Variants in CSMD1 observed in about 807,000 individuals in gnomAD.
The protein encoded by CSMD1 is CUB and Sushi multiple domains 1.
Under a neutral mutation model 417.5 loss-of-function variants are expected in CSMD1, and 213 were observed. The ratio of observed to expected loss-of-function variants is 0.51; its 90% CI spans 0.46 to 0.57. The LOEUF is 0.57. CSMD1 is among the 20% of genes least tolerant of loss of function. The probability of loss-of-function intolerance (pLI) is 0.00; values close to 1 mark genes in which losing one functional copy is unlikely to be tolerated. For missense variants in CSMD1, 6,923 were observed against 4,529.7 expected (o/e 1.53, Z -15.17); for synonymous variants, 2,862 against 1,736.8 (o/e 1.65, Z -16.11).
chr8:3,923,859 G>A (rs1809454123), intron 5 of CSMD1, among the ~76,000 whole-genome samples: 1 of 152,114 alleles, frequency 6.6e-6, no homozygotes, highest in South Asian at 2.1e-4. Context: ...GTGAAATCAT[G>A]CAGTATTTGT....
intron 5 of CSMD1, among the ~76,000 whole-genome samples, chr8:3,881,725 C>T (rs1054617770): frequency 1.3e-5 from 2 of 151,524 alleles, no homozygotes; most frequent in Admixed American, 6.6e-5. Flanking sequence ...GGGCCTTACA[C>T]TACCAGTTAT....
At chr8:4,200,629 G>A (rs76987610) in intron 3 of CSMD1, among the ~76,000 whole-genome samples, 4,150 of 152,270 alleles carry the variant, frequency 0.027, 208 homozygotes, top group African/African-American at 0.093. Flanking sequence ...GCTGAGGTGG[G>A]AGGATTTCTT....
At chr8:4,216,830 C>T (rs1301970866) in intron 3 of CSMD1, among the ~76,000 whole-genome samples, 1 of 152,104 alleles carries the variant, frequency 6.6e-6, no homozygotes, top group Non-Finnish European at 1.5e-5. Flanking sequence ...AAGAGGTAAA[C>T]ATGAGGATGG....
At chr8:3,292,620 G>C (rs1203652068) in intron 25 of CSMD1, among the ~76,000 whole-genome samples, 3 of 152,128 alleles carry the variant, frequency 2.0e-5, no homozygotes, top group Middle Eastern at 3.2e-3. Context: ...TTGGTTTAAA[G>C]TCTGTTTTAT....
At chr8:3,618,880 G>A (rs1802278996) in intron 7 of CSMD1, among the ~76,000 whole-genome samples, 1 of 152,190 alleles carries the variant, frequency 6.6e-6, no homozygotes, top group African/African-American at 2.4e-5. Context: ...TAGGTATGAA[G>A]AAGCAGAGAG....
rs59669026 is a variant in CSMD1, at chr8:3,984,704, C to CATATATATATATATATATATAT, written c.818+13177_818+13198dup. On this transcript the variant is annotated intron_variant, in intron 5 of 69. Coordinates refer to ENST00000635120, the MANE Select transcript of CSMD1 (RefSeq NM_033225.6). ...TGGGTTCAGGATTCAGTGTATATATCATATATATATATATATATATATATA... is the reference window on the plus strand; with the variant it reads ...TGGGTTCAGGATTCAGTGTATATATCATATATATATATATATATATATATATATATATATATATATATATATA... 2.4e-5 allele frequency among the ~76,000 whole-genome samples: 2 copies of CATATATATATATATATATATAT among 82,822 alleles called. 1 individual carries two copies. The highest frequency in any genetic ancestry group is 4.9e-5 in the Non-Finnish European group (2 of 41,196). The allele number at this position is 82,822 out of a possible 152,430, so 54.3% of individuals were successfully genotyped here.
chr8:3,546,571 ATTGTT>A (rs1798674207), intron 10 of CSMD1, among the ~76,000 whole-genome samples: 1 of 152,096 alleles, frequency 6.6e-6, no homozygotes, highest in African/African-American at 2.4e-5. Flanking sequence ...GTCACCATAC[ATTGTT>A]CTCCTCACAG....
At chr8:4,109,899 T>C (rs1434661337) in intron 3 of CSMD1, among the ~76,000 whole-genome samples, 3 of 152,150 alleles carry the variant, frequency 2.0e-5, no homozygotes, top group African/African-American at 7.2e-5. Context: ...TAAAGTTCTT[T>C]TCCAGGCAAT....
intron 2 of CSMD1, among the ~76,000 whole-genome samples, chr8:4,441,981 A>G (rs914027196): frequency 2.6e-5 from 4 of 152,206 alleles, no homozygotes; most frequent in African/African-American, 7.2e-5. Context: ...CGAAAACCAA[A>G]TAATAAAAGG....
intron 11 of CSMD1, among the ~76,000 whole-genome samples, chr8:3,488,320 T>G (rs1029323585): frequency 4.6e-5 from 7 of 152,158 alleles, no homozygotes; most frequent in East Asian, 1.9e-4. Flanking sequence ...GTTGCCCAGG[T>G]TGGTCTCAAA....
intron 15 of CSMD1, among the ~76,000 whole-genome samples, chr8:3,402,091 C>G (rs1311881262): frequency 1.3e-5 from 2 of 151,968 alleles, no homozygotes; most frequent in African/African-American, 4.8e-5. Context: ...TTAGAACAAT[C>G]TCATTGGGGT....
chr8:4,665,197 C>A (rs150021816), intron 1 of CSMD1, among the ~76,000 whole-genome samples: 1 of 152,122 alleles, frequency 6.6e-6, no homozygotes, highest in Non-Finnish European at 1.5e-5. Flanking sequence ...CAAACCCTGG[C>A]GGCTTCTTTC....
chr8:3,425,403 C>T (rs1185653154), intron 12 of CSMD1, among the ~76,000 whole-genome samples: 4 of 151,836 alleles, frequency 2.6e-5, no homozygotes, highest in Admixed American at 1.3e-4. Flanking sequence ...TCGTGGCCAA[C>T]ATGGTGAAAC....
intron 2 of CSMD1, among the ~76,000 whole-genome samples, chr8:4,604,272 C>T (rs189723613): frequency 2.2e-4 from 34 of 151,506 alleles, no homozygotes; most frequent in African/African-American, 8.0e-4. Context: ...AATAAAGGTA[C>T]AATAGATATA....
intron 3 of CSMD1, among the ~76,000 whole-genome samples, chr8:4,400,673 C>G (rs1430449): frequency 4.0e-5 from 6 of 151,602 alleles, no homozygotes; most frequent in African/African-American, 9.7e-5. Flanking sequence ...TATTTTAGGC[C>G]GTTCAGGCTA....
intron 5 of CSMD1, among the ~76,000 whole-genome samples, chr8:3,946,614 G>C (rs1046493351): frequency 2.6e-5 from 4 of 152,080 alleles, no homozygotes; most frequent in South Asian, 2.1e-4. Context: ...GACTGGAATT[G>C]TGTTGATCCT....
intron 8 of CSMD1, among the ~76,000 whole-genome samples, chr8:3,596,616 C>T (rs984214085): frequency 1.3e-5 from 2 of 152,182 alleles, no homozygotes; most frequent in East Asian, 1.9e-4. Flanking sequence ...CTTATATCTA[C>T]ACTTGGCAAA....
rs374641726 is a variant in CSMD1 at position 4,940,430 on chromosome 8, T to G, written c.85+53902A>C. Among the ~76,000 whole-genome samples the G allele has an allele frequency of 1.1e-4, 16 of 152,340 alleles. No homozygotes were observed. The East Asian group carries it at 2.7e-3, about 26-fold the overall frequency. Reference sequence around the variant, plus strand: ...TCCAATTATGTGTAAAATATGTACTTTGATTCTCTTTAATTATAAATATAC... The same window carrying G: ...TCCAATTATGTGTAAAATATGTACTGTGATTCTCTTTAATTATAAATATAC... On this transcript the variant is annotated intron_variant, in intron 1 of 69. Transcript: ENST00000635120.
intron 3 of CSMD1, among the ~76,000 whole-genome samples, chr8:4,064,072 G>T (rs1445771688): frequency 6.6e-6 from 1 of 152,196 alleles, no homozygotes; most frequent in Non-Finnish European, 1.5e-5. Flanking sequence ...TGCGCAGTGT[G>T]AAGCCCATGT....
Sources: gnomAD v4.1 joint callset for allele counts (sites outside exome capture counted in the v4.1 genomes callset) on GRCh38, gnomAD v4.1.1 for gene constraint, MANE v1.5 for transcripts, NCBI Gene and HGNC (gene_info 2026-07-23, HGNC 2026-07-21) for gene names.